GSDME: variants seen among roughly 807,000 people sequenced by gnomAD.
GSDME encodes gasdermin E.
GSDME carries 44 observed loss-of-function variants against 47.5 expected under a neutral mutation model. The ratio of observed to expected loss-of-function variants is 0.93; its 90% CI spans 0.73 to 1.19. The LOEUF (loss-of-function observed/expected upper bound fraction) is 1.19, where lower values mean the gene tolerates loss of function less well. Ranked by LOEUF, GSDME falls within the 50% of genes most tolerant of loss-of-function variation. The pLI is 0.00. For synonymous variants in GSDME, 258 were observed against 252.8 expected (o/e 1.02, Z -0.20); for missense variants, 663 against 604.2 (o/e 1.10, Z -1.02).
In GSDME at chr7:24,744,277, T is replaced by C; in HGVS notation, c.404+285A>G. 1 of 452,064 alleles carries C rather than the reference T, an allele frequency of 2.2e-6. No homozygotes were observed. Among genetic ancestry groups the C allele is most frequent in the South Asian group, 2.2e-5 (1 of 45,370 alleles). 28.0% of individuals were successfully genotyped at this position (452,064 alleles called of 1,614,324 possible). On this transcript the variant is annotated intron_variant, in intron 3 of 9. Transcript: ENST00000645220. The surrounding 1 kb of genome is among the most constrained non-coding windows in gnomAD (Gnocchi z 4.5). ...TTCAAAAATGCAGGACAGAGCATTT[T>C]TACCGTTCGCATTTTATAAATCATG... is the stretch of plus-strand genomic sequence containing the variant.
chr7:24,767,221 G>T, the GSDME span, among the ~76,000 whole-genome samples: 2 of 152,140 alleles, frequency 1.3e-5, no homozygotes, highest in Non-Finnish European at 2.9e-5. The surrounding 1 kb of genome is among the most constrained non-coding windows in gnomAD (Gnocchi z 5.3). Flanking sequence ...CTACTCAGGA[G>T]GCTGAGGCAG....
chr7:24,759,548 C>T (rs770900030), upstream of GSDME, among the ~76,000 whole-genome samples: 1 of 152,192 alleles, frequency 6.6e-6, no homozygotes, highest in Non-Finnish European at 1.5e-5. Context: ...TTAATCCTTA[C>T]AACTATTTGG....
intron 3 of GSDME, among the ~76,000 whole-genome samples, chr7:24,731,015 A>G (rs1323822730): frequency 2.0e-5 from 3 of 152,210 alleles, no homozygotes; most frequent in Non-Finnish European, 4.4e-5. Context: ...ACCAGGAGAC[A>G]GAATAATTTA....
At position 24,745,146 on chromosome 7, in the gene GSDME, T is replaced by C. The variant is rs530036853; in HGVS notation, c.212-392A>G. On this transcript the variant is annotated intron_variant, in intron 2 of 9. Transcript: ENST00000645220. The surrounding 1 kb of genome is among the most constrained non-coding windows in gnomAD (Gnocchi z 4.4). ...AAGGTGCACAGAAAGGACTAATGAATAAAGTTAGCGCCTGTTTAACCACTA... is the reference window on the plus strand; with the variant it reads ...AAGGTGCACAGAAAGGACTAATGAACAAAGTTAGCGCCTGTTTAACCACTA... Among the ~76,000 whole-genome samples the C allele has an allele frequency of 3.3e-4, 50 of 152,216 alleles. No individual in the cohort carries two copies. In the South Asian group the frequency reaches 9.5e-3, roughly 29 times the overall value.
At position 24,706,187 on chromosome 7, in the gene GSDME, C is replaced by T. The variant is rs1298708411; in HGVS notation, c.1180G>A (p.Ala394Thr). ...MTAYFLVSAL[A>T]EMPDSAAALL... is the part of the protein sequence containing the mutation. ...TTTCATTTTCTTTTCTCCTTACCTG[C>T]GAGGGCACTGACCAAGAAGTAGGCT... Residue 394 changes from alanine to threonine, a missense_variant, in exon 8 of 10, where the codon GCA becomes ACA. Ala to Thr is a moderately conservative substitution (Grantham distance 58). Transcript: ENST00000645220. 15 of 1,614,098 alleles carry T rather than the reference C, an allele frequency of 9.3e-6. No individual in the cohort carries two copies. The highest frequency in any genetic ancestry group is 6.7e-5 in the African/African-American group (5 of 74,934).
chr7:24,775,090 T>C, the GSDME span, among the ~76,000 whole-genome samples: 5 of 152,228 alleles, frequency 3.3e-5, no homozygotes, highest in African/African-American at 1.2e-4. Flanking sequence ...CAGTGTTTCA[T>C]CAAATTAAAT....
chr7:24,699,702 A>G (rs1296211376), intron 9 of GSDME, among the ~76,000 whole-genome samples: 1 of 152,158 alleles, frequency 6.6e-6, no homozygotes, highest in Non-Finnish European at 1.5e-5. Flanking sequence ...GTAACATGAT[A>G]TATTTGATCC....
chr7:24,704,823 G>C lies in GSDME; in HGVS notation c.1183+1361C>G, dbSNP rs1037164660. On this transcript the variant is annotated intron_variant, in intron 8 of 9. Transcript: ENST00000645220. ...ATCCTCCACAGCCCCTCAAGTAGCT[G>C]GGACTACAGAGGTACACACCACCAT... 3.6e-4 allele frequency: 55 copies of C among 151,960 alleles called. 3 individuals carry two copies. The highest frequency in any genetic ancestry group is 3.5e-3 in the Admixed American group (54 of 15,254). The allele number at this position is 151,960 out of a possible 1,614,324, so 9.4% of individuals were successfully genotyped here.
At chr7:24,734,800 T>C (rs1365200739) in intron 3 of GSDME, among the ~76,000 whole-genome samples, 6 of 149,472 alleles carry the variant, frequency 4.0e-5, no homozygotes, top group Non-Finnish European at 7.5e-5. Flanking sequence ...CTAAAAGACA[T>C]AGAAAATAGT....
At chr7:24,723,044 G>T (rs1038988797) in intron 3 of GSDME, among the ~76,000 whole-genome samples, 2 of 152,200 alleles carry the variant, frequency 1.3e-5, no homozygotes, top group South Asian at 2.1e-4. Context: ...AACCAAGGCA[G>T]GGCTGCCGGA....
chr7:24,790,995 C>T, the GSDME span, among the ~76,000 whole-genome samples: 1 of 152,070 alleles, frequency 6.6e-6, no homozygotes, highest in East Asian at 1.9e-4. This position sits in a 1 kb window ranked among gnomAD's most constrained non-coding sequence, Gnocchi z 4.1. Flanking sequence ...ATGCTTTGGC[C>T]ATGCATGGAC....
At chr7:24,766,451 C>T in the GSDME span, among the ~76,000 whole-genome samples, 9 of 152,118 alleles carry the variant, frequency 5.9e-5, no homozygotes, top group Non-Finnish European at 1.2e-4. This position sits in a 1 kb window ranked among gnomAD's most constrained non-coding sequence, Gnocchi z 4.2. Flanking sequence ...TCTCCCTCCC[C>T]TAGACTCACA....
At chr7:24,759,962 C>T (rs766886156), upstream of GSDME, among the ~76,000 whole-genome samples, 3 of 151,996 alleles carry the variant, frequency 2.0e-5, no homozygotes, top group Non-Finnish European at 4.4e-5. Flanking sequence ...ACTTTTAGCC[C>T]AATTGGAAAA....
intron 4 of GSDME, among the ~76,000 whole-genome samples, chr7:24,718,339 G>C (rs1186669438): frequency 6.6e-6 from 1 of 152,218 alleles, no homozygotes; most frequent in East Asian, 1.9e-4. Context: ...GAAAGAGTTT[G>C]GGGCTGATGG....
the GSDME span, among the ~76,000 whole-genome samples, chr7:24,781,977 C>G: frequency 4.6e-4 from 70 of 152,218 alleles, no homozygotes; most frequent in African/African-American, 1.6e-3. Context: ...AACTCCTGGC[C>G]TCAAGCAATC....
chr7:24,747,645 C>T lies in GSDME; in HGVS notation c.211+1919G>A, dbSNP rs769763666. Among the ~76,000 whole-genome samples, 63 of 152,052 alleles carry T rather than the reference C, an allele frequency of 4.1e-4. 1 individual carries two copies. Among genetic ancestry groups the T allele is most frequent in the Admixed American group, 4.6e-4 (7 of 15,238 alleles). ...TACAACAAAAATGCACATAAAAATG[C>T]TCATTGCAGCCTTACTTATTAATCA... On this transcript the variant is annotated intron_variant, in intron 2 of 9. Coordinates refer to ENST00000645220, the MANE Select transcript of GSDME (RefSeq NM_001127453.2).
intron 5 of GSDME, chr7:24,710,624 A>C (rs963233891): frequency 1.8e-6 from 1 of 551,084 alleles, no homozygotes; most frequent in African/African-American, 1.9e-5. Flanking sequence ...GCTCCCTAAT[A>C]TATATTCTCT....
In GSDME at chr7:24,736,456, A is replaced by C. The variant is rs538611472; in HGVS notation, c.404+8106T>G. Reference sequence around the variant, plus strand: ...TTACTATATAATGATAAAGGGGTCAATTCAGCAAGAGGATATAACAATTGT... The same window carrying C: ...TTACTATATAATGATAAAGGGGTCACTTCAGCAAGAGGATATAACAATTGT... On this transcript the variant is annotated intron_variant, in intron 3 of 9. Transcript: ENST00000645220. This position sits in a 1 kb window ranked among gnomAD's most constrained non-coding sequence, Gnocchi z 4.6. 6.6e-6 allele frequency among the ~76,000 whole-genome samples: 1 copy of C among 152,350 alleles called. No individual in the cohort carries two copies. The highest frequency in any genetic ancestry group is 1.9e-4 in the East Asian group (1 of 5,190).
At chr7:24,702,903 T>G in intron 8 of GSDME, 70 bp from the exon 9 acceptor site, 2 of 1,337,910 alleles carry the variant, frequency 1.5e-6, no homozygotes, top group Non-Finnish European at 2.1e-6. Context: ...AGCCCCTGGA[T>G]GGCACCTAAC....
Sources: gnomAD v4.1 joint callset for allele counts (sites outside exome capture counted in the v4.1 genomes callset) on GRCh38, gnomAD v4.1.1 for gene constraint, Gnocchi (gnomAD v3.1) non-coding constraint, MANE v1.5 for transcripts, NCBI Gene and HGNC (gene_info 2026-07-23, HGNC 2026-07-21) for gene names.